Variants in TTC6 observed in about 807,000 individuals in gnomAD.
TTC6 encodes the protein tetratricopeptide repeat domain 6, also known as tetratricopeptide repeat protein 6.
A neutral mutation model predicts 210.4 loss-of-function variants in TTC6; 172 were observed. That is an observed-to-expected ratio of 0.82 (90% CI 0.72 to 0.93). The LOEUF (loss-of-function observed/expected upper bound fraction) is 0.93. TTC6 is among the 40% of genes least tolerant of loss of function. The pLI, the probability that TTC6 is intolerant of heterozygous loss-of-function variation, is 0.00. For missense variants in TTC6, 2,414 were observed against 2,318.1 expected (o/e 1.04, Z -0.85); for synonymous variants, 804 against 819.6 (o/e 0.98, Z 0.32).
In TTC6 at chr14:37,689,407, A is replaced by G. The variant is rs150679547; in HGVS notation, c.1257+6443A>G. On this transcript the variant is annotated intron_variant, in intron 3 of 30. Coordinates refer to ENST00000553443, the Ensembl canonical transcript of TTC6. ...ACATAGAGGTAGAAAGTTTACTCAA[A>G]GGGATAATAGCAGAGAACTTCCCCA... Among the ~76,000 whole-genome samples the G allele has an allele frequency of 4.4e-3, 668 of 152,282 alleles. 2 individuals are homozygous for G. The highest frequency in any genetic ancestry group is 0.015 in the African/African-American group (640 of 41,566).
At chr14:37,727,441 A>C (rs35351825) in intron 7 of TTC6, among the ~76,000 whole-genome samples, 26 of 151,204 alleles carry the variant, frequency 1.7e-4, no homozygotes, top group South Asian at 4.2e-4. Flanking sequence ...CTACAGGCGC[A>C]CACCACCATG....
At chr14:37,807,286 T>A in intron 22 of TTC6, 34 bp from the exon 25 acceptor site, 1 of 1,451,108 alleles carries the variant, frequency 6.9e-7, no homozygotes, top group Non-Finnish European at 9.2e-7. Context: ...TACTAAAGCA[T>A]CCATTCCTGC....
intron 1 of TTC6, among the ~76,000 whole-genome samples, chr14:37,628,724 GT>G (rs2095664537): frequency 6.6e-6 from 1 of 152,136 alleles, no homozygotes; most frequent in Admixed American, 6.5e-5. Flanking sequence ...TTCTTCTAGG[GT>G]TTTTATAGTT....
chr14:37,814,097 C>G (rs937609680), intron 25 of TTC6, among the ~76,000 whole-genome samples: 2 of 152,144 alleles, frequency 1.3e-5, no homozygotes, highest in Admixed American at 6.5e-5. Context: ...GCTCAAAACC[C>G]TCTGATGGCT....
exon 5 of TTC6, chr14:37,701,498 C>T (rs569747647): frequency 6.7e-5 from 101 of 1,507,574 alleles, no homozygotes; most frequent in Non-Finnish European, 7.2e-5. Flanking sequence ...CTTAGATGAT[C>T]GCTTTACAGA....
chr14:37,826,141 G>A lies in TTC6; in HGVS notation c.4975-54G>A, dbSNP rs115562583. 1,184 of 1,508,202 alleles carry A rather than the reference G, an allele frequency of 7.9e-4. 9 individuals are homozygous for A. In the African/African-American group the frequency reaches 0.015, roughly 19 times the overall value. The allele number at this position is 1,508,202 out of a possible 1,614,324, so 93.4% of individuals were successfully genotyped here. On this transcript the variant is annotated intron_variant, in intron 27 of 30. Transcript: ENST00000553443. ...ATTTGATGGAGTCAGAATCATAAAC[G>A]TTTGTCATGTTATGGAGTATTTCCT... is the stretch of plus-strand genomic sequence containing the variant.
At chr14:37,622,270 C>T in exon 1 of TTC6, 6 of 1,535,152 alleles carry the variant, frequency 3.9e-6, no homozygotes, top group Non-Finnish European at 5.2e-6. Context: ...TCCTGCGCCG[C>T]AGCCCGGACG....
chr14:37,799,938 A>G (rs2096102232), intron 20 of TTC6, among the ~76,000 whole-genome samples: 1 of 152,176 alleles, frequency 6.6e-6, no homozygotes. Flanking sequence ...TTGTTCGTCA[A>G]CAATATTCTA....
intron 10 of TTC6, among the ~76,000 whole-genome samples, chr14:37,743,678 G>C (rs2095927703): frequency 6.6e-6 from 1 of 152,226 alleles, no homozygotes; most frequent in Non-Finnish European, 1.5e-5. Context: ...GAAGGGATTT[G>C]TGGGTGGTTC....
chr14:37,801,708 G>GT (rs1218365401), intron 20 of TTC6, among the ~76,000 whole-genome samples: 2 of 152,140 alleles, frequency 1.3e-5, no homozygotes, highest in African/African-American at 4.8e-5. Context: ...TCTCATTGTG[G>GT]TTTTTATTTG....
chr14:37,684,369 A>T (rs1288598762), intron 3 of TTC6, among the ~76,000 whole-genome samples: 1 of 152,126 alleles, frequency 6.6e-6, no homozygotes, highest in Non-Finnish European at 1.5e-5. Flanking sequence ...GTAATAGTTG[A>T]CCAGAGGAAA....
intron 14 of TTC6, among the ~76,000 whole-genome samples, chr14:37,774,516 C>T (rs1309515760): frequency 1.3e-5 from 2 of 152,122 alleles, no homozygotes; most frequent in Non-Finnish European, 2.9e-5. Context: ...GTTTTTAGCT[C>T]TGTTTATGTG....
At chr14:37,667,239 T>A (rs2095749941) in intron 1 of TTC6, among the ~76,000 whole-genome samples, 2 of 150,290 alleles carry the variant, frequency 1.3e-5, no homozygotes, top group South Asian at 4.3e-4. Context: ...CTCCTCTTCA[T>A]GTCTTAGTGG....
chr14:37,831,192 C>T (rs1265547458), intron 29 of TTC6, among the ~76,000 whole-genome samples: 2 of 152,026 alleles, frequency 1.3e-5, no homozygotes, highest in African/African-American at 4.8e-5. Context: ...CTTTCTGTAC[C>T]TGGCTTATTT....
At chr14:37,792,161 A>T in intron 16 of TTC6, 103 bp from the exon 19 acceptor site, 1 of 905,076 alleles carries the variant, frequency 1.1e-6, no homozygotes, top group Non-Finnish European at 1.6e-6. Context: ...AAATACTCTG[A>T]TGAATACTGA....
At chr14:37,797,226 T>C (rs1483231352) in intron 20 of TTC6, among the ~76,000 whole-genome samples, 2 of 152,064 alleles carry the variant, frequency 1.3e-5, no homozygotes, top group Non-Finnish European at 2.9e-5. Context: ...AATGTTTAAC[T>C]TTCAAGGAAA....
chr14:37,762,882 C>CTTT (rs369694046), intron 14 of TTC6, among the ~76,000 whole-genome samples: 5 of 129,602 alleles, frequency 3.9e-5, no homozygotes, highest in African/African-American at 8.6e-5. Context: ...CTTTTCTTTT[C>CTTT]TTTTTTTTTT....
chr14:37,620,712 T>TA (rs2095649775), upstream of TTC6, among the ~76,000 whole-genome samples: 1 of 152,224 alleles, frequency 6.6e-6, no homozygotes, highest in Non-Finnish European at 1.5e-5. Flanking sequence ...TTTACCATTT[T>TA]AAAGTGTACA....
At chr14:37,699,702 C>T (rs2095821191) in intron 4 of TTC6, among the ~76,000 whole-genome samples, 2 of 152,138 alleles carry the variant, frequency 1.3e-5, no homozygotes, top group Non-Finnish European at 2.9e-5. Context: ...AAGGAACACA[C>T]CTGAGCAACC....
Sources: allele counts gnomAD v4.1 joint callset (sites outside exome capture counted in the v4.1 genomes callset), GRCh38; gene constraint gnomAD v4.1.1; transcripts MANE v1.5; gene names NCBI Gene and HGNC (gene_info 2026-07-23, HGNC 2026-07-21).